The following DGKB variants were observed in gnomAD, a reference collection of about 807,000 sequenced individuals.
The protein encoded by DGKB is 90 kDa diacylglycerol kinase.
A neutral mutation model predicts 114.3 loss-of-function variants in DGKB; 67 were observed. That is an observed-to-expected ratio of 0.59 (90% CI 0.48 to 0.72). The LOEUF (loss-of-function observed/expected upper bound fraction) is 0.72. Among genes scored for constraint, DGKB ranks in the 30% least tolerant of loss-of-function variants. The pLI, the probability that DGKB is intolerant of heterozygous loss-of-function variation, is 0.00. For missense variants in DGKB, 907 were observed against 975.2 expected (o/e 0.93, Z 0.93); for synonymous variants, 398 against 323.1 (o/e 1.23, Z -2.49).
intron 21 of DGKB, among the ~76,000 whole-genome samples, chr7:14,346,816 T>C (rs1812551274): frequency 6.6e-6 from 1 of 152,032 alleles, no homozygotes; most frequent in Admixed American, 6.6e-5. Flanking sequence ...ATCATTCTGA[T>C]GAAAAACATA....
chr7:14,545,691 T>C (rs1027434223), intron 20 of DGKB, among the ~76,000 whole-genome samples: 1 of 152,210 alleles, frequency 6.6e-6, no homozygotes, highest in Non-Finnish European at 1.5e-5. Flanking sequence ...TACACTGGGA[T>C]CTGCTGGGCA....
At chr7:14,343,059 A>T (rs1811871229) in intron 22 of DGKB, among the ~76,000 whole-genome samples, 1 of 151,584 alleles carries the variant, frequency 6.6e-6, no homozygotes, top group Non-Finnish European at 1.5e-5. Flanking sequence ...GTTATATTTA[A>T]TTATAAAATA....
chr7:14,434,912 TC>T (rs1020188850), intron 21 of DGKB, among the ~76,000 whole-genome samples: 8 of 152,132 alleles, frequency 5.3e-5, no homozygotes, highest in African/African-American at 1.9e-4. Flanking sequence ...ACAATATGTT[TC>T]TTTCACACTA....
intron 9 of DGKB, among the ~76,000 whole-genome samples, chr7:14,691,476 G>A (rs1401855103): frequency 2.6e-5 from 4 of 152,102 alleles, no homozygotes; most frequent in Admixed American, 6.5e-5. Context: ...CACATTAACT[G>A]CCTACAGAAA....
At chr7:14,326,006 T>C (rs1808642378) in intron 23 of DGKB, among the ~76,000 whole-genome samples, 1 of 152,116 alleles carries the variant, frequency 6.6e-6, no homozygotes, top group Admixed American at 6.6e-5. Flanking sequence ...GTCAGAAATG[T>C]TTATGTCTAC....
rs538031531 is a variant in DGKB at position 14,731,596 on chromosome 7, T to C, written c.322+4445A>G. Among the ~76,000 whole-genome samples, 11 of 152,282 alleles carry C rather than the reference T, an allele frequency of 7.2e-5. No homozygotes were observed. In the South Asian group the frequency reaches 2.1e-3, roughly 29 times the overall value. On this transcript the variant is annotated intron_variant, in intron 5 of 25. Coordinates refer to ENST00000402815, the MANE Select transcript of DGKB (RefSeq NM_001350709.2). ...CAGATATCTGCATATTTATTAAATT[T>C]CTCTTAGGTTATGTTGAGTGTTCAA...
intron 17 of DGKB, among the ~76,000 whole-genome samples, chr7:14,602,109 A>T (rs904722595): frequency 6.6e-6 from 1 of 152,166 alleles, no homozygotes; most frequent in Non-Finnish European, 1.5e-5. Context: ...CCATTCTAGC[A>T]GCTATAACAA....
At chr7:14,932,033 T>A (rs1488898854) in intron 1 of DGKB, among the ~76,000 whole-genome samples, 2 of 152,146 alleles carry the variant, frequency 1.3e-5, no homozygotes, top group Non-Finnish European at 2.9e-5. Context: ...TGCCAAGAGT[T>A]AGGATTGAAA....
chr7:14,493,984 T>C (rs1784955571), intron 20 of DGKB, among the ~76,000 whole-genome samples: 1 of 148,104 alleles, frequency 6.8e-6, no homozygotes, highest in South Asian at 2.1e-4. Context: ...ATCATAGCAA[T>C]TAAACTGAAA....
intron 23 of DGKB, among the ~76,000 whole-genome samples, chr7:14,324,152 T>C (rs1562937597): frequency 6.6e-6 from 1 of 152,152 alleles, no homozygotes; most frequent in African/African-American, 2.4e-5. Flanking sequence ...ATTTTATATA[T>C]GCATATGAAA....
chr7:14,260,187 G>C (rs1752580151), intron 23 of DGKB, among the ~76,000 whole-genome samples: 1 of 151,854 alleles, frequency 6.6e-6, no homozygotes, highest in Admixed American at 6.6e-5. Context: ...AATTCATGTT[G>C]GGATGGACTG....
chr7:14,871,970 G>A (rs1308801723), intron 1 of DGKB, among the ~76,000 whole-genome samples: 1 of 151,974 alleles, frequency 6.6e-6, no homozygotes, highest in Non-Finnish European at 1.5e-5. Context: ...GATTTATACG[G>A]CACTTTGCCC....
chr7:14,321,084 A>T (rs1208556081), intron 23 of DGKB, among the ~76,000 whole-genome samples: 1 of 152,098 alleles, frequency 6.6e-6, no homozygotes, highest in Non-Finnish European at 1.5e-5. Flanking sequence ...TGAGCCCAGG[A>T]GTTTGAGACC....
At chr7:14,674,419 C>A (rs547528927) in intron 12 of DGKB, among the ~76,000 whole-genome samples, 28 of 152,170 alleles carry the variant, frequency 1.8e-4, no homozygotes, top group African/African-American at 6.3e-4. Context: ...AAATTAGTGA[C>A]TTGTTTAAAA....
chr7:14,253,116 C>T (rs1469924627), intron 23 of DGKB, among the ~76,000 whole-genome samples: 2 of 151,798 alleles, frequency 1.3e-5, no homozygotes, highest in East Asian at 1.9e-4. Flanking sequence ...CTCACTGCAA[C>T]CTCCGCCTCC....
intron 2 of DGKB, among the ~76,000 whole-genome samples, chr7:14,798,251 TG>T (rs1562562685): frequency 6.6e-6 from 1 of 152,194 alleles, no homozygotes; most frequent in Non-Finnish European, 1.5e-5. Flanking sequence ...GCTTGAAGAC[TG>T]GGTTTTTACC....
chr7:14,858,521 T>C (rs1586957700), intron 1 of DGKB, among the ~76,000 whole-genome samples: 1 of 152,170 alleles, frequency 6.6e-6, no homozygotes, highest in Admixed American at 6.5e-5. Flanking sequence ...GATTAAGATA[T>C]TGCCCTGTGG....
At chr7:14,587,259 G>A (rs901084196) in intron 17 of DGKB, among the ~76,000 whole-genome samples, 30 of 152,194 alleles carry the variant, frequency 2.0e-4, no homozygotes, top group African/African-American at 6.0e-4. Context: ...GGAGGAAGTC[G>A]CTGCAGATGT....
intron 5 of DGKB, among the ~76,000 whole-genome samples, chr7:14,733,371 A>G (rs984642701): frequency 1.3e-5 from 2 of 152,218 alleles, no homozygotes; most frequent in African/African-American, 4.8e-5. Context: ...TGATTACTTT[A>G]TGAAAAATAA....
Sources: gnomAD v4.1 joint callset for allele counts (sites outside exome capture counted in the v4.1 genomes callset) on GRCh38, gnomAD v4.1.1 for gene constraint, MANE v1.5 for transcripts, NCBI Gene and HGNC (gene_info 2026-07-23, HGNC 2026-07-21) for gene names.